NEIL3: variants seen among roughly 807,000 people sequenced by gnomAD.
NEIL3 encodes the protein endonuclease 8-like 3.
NEIL3 carries 48 observed loss-of-function variants against 57.5 expected under a neutral mutation model. The observed-to-expected ratio is 0.83, with a 90% CI of 0.66 to 1.06. The LOEUF (loss-of-function observed/expected upper bound fraction) is 1.06, where lower values mean the gene tolerates loss of function less well. NEIL3 is among the 50% of genes least tolerant of loss of function. The pLI is 0.00. For missense variants in NEIL3, 717 were observed against 739.1 expected, an observed-to-expected ratio of 0.97 and a Z score of 0.35; for synonymous variants, 261 against 253.2, an observed-to-expected ratio of 1.03 and a Z score of -0.29.
At chr4:177,314,173 A>G (rs1034360869) in intron 1 of NEIL3, among the ~76,000 whole-genome samples, 1 of 152,220 alleles carries the variant, frequency 6.6e-6, no homozygotes, top group Non-Finnish European at 1.5e-5. Flanking sequence ...GATACTAATA[A>G]TGATTTATCC....
the NEIL3 span, among the ~76,000 whole-genome samples, chr4:177,370,667 G>A: frequency 2.0e-5 from 3 of 152,294 alleles, no homozygotes; most frequent in Non-Finnish European, 2.9e-5. Context: ...CTGGGAGGCC[G>A]AAGCAGGCAG....
chr4:177,342,665 T>TA (rs3215158), intron 6 of NEIL3, among the ~76,000 whole-genome samples: 42,677 of 151,982 alleles, frequency 0.28, 6,249 homozygotes, highest in African/African-American at 0.36. Context: ...TGACTAGACT[T>TA]AAAAAAAGTA....
downstream of NEIL3, among the ~76,000 whole-genome samples, chr4:177,367,879 C>A (rs542480337): frequency 3.3e-5 from 5 of 152,278 alleles, no homozygotes; most frequent in South Asian, 1.0e-3. Flanking sequence ...TCACTTAATT[C>A]TCTTGACCAC....
At position 177,322,443 on chromosome 4, in the gene NEIL3, A is replaced by G. The variant is rs1306232356; in HGVS notation, c.157-16A>G. 2.5e-6 allele frequency: 4 copies of G among 1,613,768 alleles called. No homozygotes were observed. Among genetic ancestry groups the G allele is most frequent in the East Asian group, 2.2e-5 (1 of 44,864 alleles). On this transcript the variant is annotated splice_polypyrimidine_tract_variant and intron_variant, in intron 1 of 9. Transcript: ENST00000264596. ...TGTGTGTGTGTGCTTATGTGTGTAC[A>G]TGTATTTTCCACTAGGCTGCTGCAC... is the stretch of plus-strand genomic sequence containing the variant.
At chr4:177,360,900 A>G (rs548092443) in intron 9 of NEIL3, among the ~76,000 whole-genome samples, 65 of 152,354 alleles carry the variant, frequency 4.3e-4, no homozygotes, top group Non-Finnish European at 8.1e-4. Context: ...AGAGTATATC[A>G]TATTTATAAT....
At chr4:177,366,177 CAT>C (rs531041857), downstream of NEIL3, among the ~76,000 whole-genome samples, 7 of 152,210 alleles carry the variant, frequency 4.6e-5, no homozygotes, top group East Asian at 7.7e-4. Context: ...TTCTTTAAAA[CAT>C]ATGGGACTTT....
At chr4:177,351,794 G>A (rs780217587) in intron 7 of NEIL3, among the ~76,000 whole-genome samples, 1 of 152,164 alleles carries the variant, frequency 6.6e-6, no homozygotes, top group Non-Finnish European at 1.5e-5. Context: ...TCAAAAAAAT[G>A]GAGATGATCA....
At chr4:177,325,277 A>G (rs918158851) in intron 2 of NEIL3, among the ~76,000 whole-genome samples, 1 of 152,106 alleles carries the variant, frequency 6.6e-6, no homozygotes, top group Non-Finnish European at 1.5e-5. Flanking sequence ...CAGCTTCAAC[A>G]TAGTTTCTGT....
chr4:177,351,428 G>A lies in NEIL3; in HGVS notation c.918G>A (p.Val306=), dbSNP rs1237264198. The stretch of plus-strand genomic sequence containing the variant: ...TAATCAGTTGGACATCTAGCAGGGT[G>A]GATCATGTTATGGACTCCGTGGCTC... ...NTIISWTSSR[V]DHVMDSVARK... The change falls in exon 7 of 10, where the codon GTG becomes GTA. Residue 306 remains valine (V), a synonymous_variant. Coordinates refer to ENST00000264596, the MANE Select transcript of NEIL3 (RefSeq NM_018248.3). 6 of 1,613,918 alleles carry A rather than the reference G, an allele frequency of 3.7e-6. No homozygotes were observed. The East Asian group carries it at 1.1e-4, about 30-fold the overall frequency.
intron 1 of NEIL3, among the ~76,000 whole-genome samples, chr4:177,319,866 G>C (rs919477018): frequency 2.0e-5 from 3 of 152,128 alleles, no homozygotes; most frequent in African/African-American, 7.2e-5. Context: ...ATTTCACAGG[G>C]TATGGCTAAA....
At chr4:177,324,402 C>A (rs1035102644) in intron 2 of NEIL3, among the ~76,000 whole-genome samples, 4 of 151,908 alleles carry the variant, frequency 2.6e-5, no homozygotes, top group African/African-American at 9.7e-5. Flanking sequence ...TCCTGGGATT[C>A]ATTGGTTGAA....
chr4:177,370,070 T>C, the NEIL3 span, among the ~76,000 whole-genome samples: 1 of 152,142 alleles, frequency 6.6e-6, no homozygotes, highest in South Asian at 2.1e-4. Context: ...TGTTTTTGTT[T>C]AGGGAACAGA....
chr4:177,319,705 G>A (rs191400987), intron 1 of NEIL3, among the ~76,000 whole-genome samples: 2 of 152,256 alleles, frequency 1.3e-5, no homozygotes, highest in African/African-American at 4.8e-5. Flanking sequence ...GGAGATTAAA[G>A]CACAGGAGTG....
chr4:177,341,382 T>C, intron 5 of NEIL3, 94 bp from the exon 6 acceptor site: 1 of 986,638 alleles, frequency 1.0e-6, no homozygotes. Flanking sequence ...TTTTAGCAGA[T>C]GATTTTCAGA....
intron 8 of NEIL3, among the ~76,000 whole-genome samples, chr4:177,354,577 G>A (rs1735435004): frequency 6.6e-6 from 1 of 152,098 alleles, no homozygotes. Context: ...TTGAGGTGGC[G>A]TTTTGCTCTT....
chr4:177,322,719 G>A, intron 2 of NEIL3, 139 bp downstream of exon 2: 3 of 909,406 alleles, frequency 3.3e-6, no homozygotes, highest in East Asian at 2.5e-5. Flanking sequence ...GAGAGGTTGT[G>A]ATTCTATCAT....
chr4:177,349,099 G>C (rs1261469951), intron 6 of NEIL3, among the ~76,000 whole-genome samples: 2 of 145,804 alleles, frequency 1.4e-5, no homozygotes, highest in African/African-American at 5.1e-5. Flanking sequence ...AGCCAGGATG[G>C]TCTCGATCTC....
intron 2 of NEIL3, among the ~76,000 whole-genome samples, chr4:177,333,569 A>T (rs1293729540): frequency 6.6e-6 from 1 of 152,216 alleles, no homozygotes; most frequent in African/African-American, 2.4e-5. Context: ...GCAGGCTTCA[A>T]GGAGAACTAA....
downstream of NEIL3, among the ~76,000 whole-genome samples, chr4:177,364,140 T>C (rs965951704): frequency 6.6e-6 from 1 of 152,146 alleles, no homozygotes; most frequent in African/African-American, 2.4e-5. Context: ...AAAGATTGTT[T>C]AAAAGACAGC....
Sources: allele counts gnomAD v4.1 joint callset (sites outside exome capture counted in the v4.1 genomes callset), GRCh38; gene constraint gnomAD v4.1.1; transcripts MANE v1.5; gene names NCBI Gene and HGNC (gene_info 2026-07-23, HGNC 2026-07-21).